Variants in CFAP44 observed in about 807,000 individuals in gnomAD.
CFAP44 encodes cilia and flagella associated protein 44.
A neutral mutation model predicts 216.2 loss-of-function variants in CFAP44; 134 were observed. The ratio of observed to expected loss-of-function variants is 0.62; its 90% CI spans 0.54 to 0.72. The LOEUF is 0.72. Among genes scored for constraint, CFAP44 ranks in the 30% least tolerant of loss-of-function variants. The pLI is 0.00. For missense variants in CFAP44, 2,035 were observed against 2,182.1 expected (o/e 0.93, Z 1.34); for synonymous variants, 700 against 727.6 (o/e 0.96, Z 0.61).
Position 113,326,578 on chromosome 3 carries a change from C to T in CFAP44, c.4383G>A (p.Gln1461=), listed in dbSNP as rs543568195. The change falls in exon 28 of 35, where the codon CAG becomes CAA. Residue 1461 remains glutamine, a synonymous_variant. Transcript: ENST00000393845. The stretch of plus-strand genomic sequence containing the variant: ...CAGCATAGAGTGCCTTTTCTTGCTC[C>T]TGGAGTTTGGTGATTTCATTCTTTT... ...EEKKNEITKL[Q]EQEKALYAGF... 3.9e-6 allele frequency: 6 copies of T among 1,531,682 alleles called. No individual in the cohort carries two copies. The Admixed American group carries it at 8.0e-5, about 20-fold the overall frequency. 94.9% of individuals were successfully genotyped at this position (1,531,682 alleles called of 1,614,324 possible).
intron 1 of CFAP44, among the ~76,000 whole-genome samples, chr3:113,436,632 T>C (rs1279791321): frequency 6.6e-6 from 1 of 152,200 alleles, no homozygotes; most frequent in African/African-American, 2.4e-5. Flanking sequence ...ATTTCTTTGA[T>C]AAAAATCAAC....
chr3:113,422,925 G>C (rs1054956310), intron 4 of CFAP44, among the ~76,000 whole-genome samples: 1 of 152,080 alleles, frequency 6.6e-6, no homozygotes, highest in African/African-American at 2.4e-5. Flanking sequence ...GAATGGATCA[G>C]ATTGTAACTT....
At chr3:113,390,263 T>C (rs769706611) in intron 15 of CFAP44, among the ~76,000 whole-genome samples, 1 of 152,120 alleles carries the variant, frequency 6.6e-6, no homozygotes, top group Admixed American at 6.5e-5. Context: ...CCATTTCAAT[T>C]GATGCTGAAA....
rs1254191177 is a variant in CFAP44, at chr3:113,379,400, T to TCCC, written c.2203_2204insGGG (p.Glu734_Glu735insGly). On this transcript the variant is annotated inframe_insertion, in exon 17 of 35. Transcript: ENST00000393845. ...AAATATTTCAGGTAATGGCTCTTCT[T>TCCC]CCTCCTCCTCCTCCTCTTTCTCCTC... 2.5e-6 allele frequency: 4 copies of TCCC among 1,580,874 alleles called. No individual in the cohort carries two copies. Among genetic ancestry groups the TCCC allele is most frequent in the Middle Eastern group, 1.7e-4 (1 of 5,970 alleles).
At chr3:113,411,740 C>T (rs944772519) in intron 6 of CFAP44, among the ~76,000 whole-genome samples, 17 of 152,136 alleles carry the variant, frequency 1.1e-4, no homozygotes, top group Non-Finnish European at 1.6e-4. Flanking sequence ...GGCAGTATGG[C>T]CATGTTCATG....
chr3:113,355,601 G>T (rs1950485882), intron 22 of CFAP44, among the ~76,000 whole-genome samples: 1 of 152,080 alleles, frequency 6.6e-6, no homozygotes, highest in South Asian at 2.1e-4. Context: ...ATCATTCTCA[G>T]CAAACTATCA....
intron 28 of CFAP44, among the ~76,000 whole-genome samples, chr3:113,315,126 A>G (rs1950074842): frequency 6.6e-6 from 1 of 152,110 alleles, no homozygotes; most frequent in African/African-American, 2.4e-5. Context: ...ACACCAAAGA[A>G]AAGACAGAGA....
At chr3:113,420,279 G>T (rs529894562) in intron 4 of CFAP44, 100 bp from the exon 5 acceptor site, 4 of 1,209,806 alleles carry the variant, frequency 3.3e-6, no homozygotes, top group Non-Finnish European at 4.3e-6. Flanking sequence ...CTTAGATGAA[G>T]ATGTGAGGTT....
intron 1 of CFAP44, among the ~76,000 whole-genome samples, chr3:113,436,085 T>C (rs1935232946): frequency 6.6e-6 from 1 of 152,174 alleles, no homozygotes; most frequent in Non-Finnish European, 1.5e-5. Context: ...ATTCACATTC[T>C]GTCATCCTTT....
intron 18 of CFAP44, among the ~76,000 whole-genome samples, chr3:113,369,194 G>A (rs568048269): frequency 3.9e-5 from 6 of 152,174 alleles, no homozygotes; most frequent in Admixed American, 2.6e-4. Context: ...GGTTAACAAC[G>A]ATATCCAGGA....
chr3:113,313,628 G>A (rs1950060901), intron 28 of CFAP44, among the ~76,000 whole-genome samples: 1 of 152,164 alleles, frequency 6.6e-6, no homozygotes, highest in African/African-American at 2.4e-5. Context: ...TGTTGTGGGA[G>A]GGACCTGGTG....
intron 3 of CFAP44, 76 bp from the exon 4 acceptor site, chr3:113,426,353 G>A (rs1212536240): frequency 1.3e-6 from 2 of 1,506,200 alleles, no homozygotes. Context: ...TTGAATTGTA[G>A]TTCCCATAAT....
rs1949962902 is a variant in CFAP44 at position 113,304,088 on chromosome 3, A to G, written c.4905T>C (p.Pro1635=). 2 of 1,537,290 alleles carry G rather than the reference A, an allele frequency of 1.3e-6. No homozygotes were observed. Among genetic ancestry groups the G allele is most frequent in the Non-Finnish European group, 1.7e-6 (2 of 1,146,914 alleles). Residue 1635 remains proline (P), a synonymous_variant, in exon 32 of 35, where the codon CCT becomes CCC. Transcript: ENST00000393845. The stretch of plus-strand genomic sequence containing the variant: ...AGACCAAAGTACCAGAAAGATCGCT[A>G]GGTATTTCTCCAAATACCACATACT... ...QIEYVVFGEI[P]SDLSGTLVFS... is the part of the protein sequence containing the mutation.
intron 1 of CFAP44, among the ~76,000 whole-genome samples, chr3:113,434,256 A>G (rs532179235): frequency 2.6e-5 from 4 of 152,290 alleles, no homozygotes; most frequent in Admixed American, 2.6e-4. Context: ...AAGAAGCCTA[A>G]AACATGATGG....
chr3:113,419,575 C>T (rs1287106662), intron 5 of CFAP44, among the ~76,000 whole-genome samples: 3 of 152,226 alleles, frequency 2.0e-5, no homozygotes, highest in Non-Finnish European at 4.4e-5. Context: ...TATATCTCAA[C>T]ATATCCTGTT....
At chr3:113,327,117 G>C (rs1384464307) in intron 27 of CFAP44, among the ~76,000 whole-genome samples, 1 of 151,974 alleles carries the variant, frequency 6.6e-6, no homozygotes, top group Admixed American at 6.6e-5. Context: ...AACAAAGCTA[G>C]TATAATTTAT....
At chr3:113,417,810 G>A (rs999833620) in intron 5 of CFAP44, among the ~76,000 whole-genome samples, 2 of 152,068 alleles carry the variant, frequency 1.3e-5, no homozygotes, top group African/African-American at 4.8e-5. Context: ...AGAAGCAAAC[G>A]GGCCTAAGAA....
intron 29 of CFAP44, among the ~76,000 whole-genome samples, chr3:113,307,450 T>C (rs1949997067): frequency 6.6e-6 from 1 of 152,164 alleles, no homozygotes; most frequent in South Asian, 2.1e-4. Context: ...CTATTGGAAA[T>C]AGCAATGTGC....
intron 22 of CFAP44, among the ~76,000 whole-genome samples, chr3:113,354,374 G>C (rs962184620): frequency 5.9e-5 from 9 of 152,178 alleles, no homozygotes; most frequent in Non-Finnish European, 1.3e-4. Context: ...TTTCTCAATG[G>C]GGAGGCTCCT....
Sources: gnomAD v4.1 joint callset for allele counts (sites outside exome capture counted in the v4.1 genomes callset) on GRCh38, gnomAD v4.1.1 for gene constraint, MANE v1.5 for transcripts, NCBI Gene and HGNC (gene_info 2026-07-23, HGNC 2026-07-21) for gene names.